Variants in ITGBL1 observed in about 807,000 individuals in gnomAD.
The protein encoded by ITGBL1 is integrin subunit beta like 1, also known as integrin beta-like protein 1.
A neutral mutation model predicts 68.5 loss-of-function variants in ITGBL1; 51 were observed. That is an observed-to-expected ratio of 0.74 (90% confidence interval 0.59 to 0.94). ITGBL1 has a LOEUF of 0.94. ITGBL1 is among the 40% of genes least tolerant of loss of function. The pLI is 0.00. For synonymous variants in ITGBL1, 209 were observed against 227.3 expected (o/e 0.92, Z 0.72); for missense variants, 649 against 647.4 (o/e 1.00, Z -0.03).
At chr13:101,541,641 C>T (rs569424683) in intron 2 of ITGBL1, among the ~76,000 whole-genome samples, 3 of 152,282 alleles carry the variant, frequency 2.0e-5, no homozygotes, top group African/African-American at 4.8e-5. Context: ...ACCAGCTCCT[C>T]CTTGTACCAC....
rs370735817 is a variant in ITGBL1 at position 101,654,127 on chromosome 13, C to T, written c.1016-38458C>T. Among the ~76,000 whole-genome samples, 29 of 152,050 alleles carry T rather than the reference C, an allele frequency of 1.9e-4. 1 individual carries two copies. Among genetic ancestry groups the T allele is most frequent in the African/African-American group, 5.3e-4 (22 of 41,458 alleles). ...AACAAATAAAAAATGCCAAGTTTGC[C>T]GATTTCAGGAACGAAAAGGATCACT... On this transcript the variant is annotated intron_variant, in intron 7 of 10. Coordinates refer to ENST00000376180, the MANE Select transcript of ITGBL1 (RefSeq NM_004791.3).
intron 7 of ITGBL1, among the ~76,000 whole-genome samples, chr13:101,686,139 G>GGT (rs755606783): frequency 6.6e-6 from 1 of 152,014 alleles, no homozygotes; most frequent in Non-Finnish European, 1.5e-5. Flanking sequence ...TGCAACACAA[G>GGT]GTGTTTTCTA....
At chr13:101,666,068 CTA>C (rs2033208811) in intron 7 of ITGBL1, among the ~76,000 whole-genome samples, 4 of 152,056 alleles carry the variant, frequency 2.6e-5, no homozygotes, top group Non-Finnish European at 5.9e-5. Flanking sequence ...GTTTACTATG[CTA>C]TGTTATTCCA....
intron 7 of ITGBL1, among the ~76,000 whole-genome samples, chr13:101,680,552 A>G (rs922309492): frequency 6.6e-6 from 1 of 151,830 alleles, no homozygotes; most frequent in Non-Finnish European, 1.5e-5. Flanking sequence ...TTTTTCATAG[A>G]AAAGTACAAT....
chr13:101,574,557 G>C (rs1287584838), intron 3 of ITGBL1, among the ~76,000 whole-genome samples: 1 of 152,134 alleles, frequency 6.6e-6, no homozygotes, highest in Non-Finnish European at 1.5e-5. Flanking sequence ...GATTTTCAGA[G>C]TCCAGGGTGG....
At chr13:101,687,592 T>G (rs2033783882) in intron 7 of ITGBL1, among the ~76,000 whole-genome samples, 1 of 152,138 alleles carries the variant, frequency 6.6e-6, no homozygotes, top group African/African-American at 2.4e-5. Flanking sequence ...AGTTCATTAT[T>G]CTTCTTTGAT....
Position 101,604,875 on chromosome 13 carries a change from T to TAC in ITGBL1, c.1015+6577_1015+6578insCA, listed in dbSNP as rs1425746436. On this transcript the variant is annotated intron_variant, in intron 7 of 10. Coordinates refer to ENST00000376180, the MANE Select transcript of ITGBL1 (RefSeq NM_004791.3). ...ATATATATATATATATATATATATA[T>TAC]ATATATATATATACACACACACACA... 7.4e-4 allele frequency among the ~76,000 whole-genome samples: 15 copies of TAC among 20,320 alleles called. No individual in the cohort carries two copies. In the South Asian group the frequency reaches 0.015, roughly 20 times the overall value. The allele number at this position is 20,320 out of a possible 152,430, so 13.3% of individuals were successfully genotyped here.
intron 2 of ITGBL1, among the ~76,000 whole-genome samples, chr13:101,562,828 T>C (rs1463083165): frequency 6.6e-6 from 1 of 151,820 alleles, no homozygotes; most frequent in African/African-American, 2.4e-5. Context: ...TTGACATTTA[T>C]AGAACAGCAG....
At chr13:101,627,908 C>T (rs1031412283) in intron 7 of ITGBL1, among the ~76,000 whole-genome samples, 6 of 152,118 alleles carry the variant, frequency 3.9e-5, no homozygotes, top group Admixed American at 1.3e-4. Context: ...CTGCTGTAAA[C>T]GTTGGTTTGC....
chr13:101,641,610 G>C (rs1413349582), intron 7 of ITGBL1, among the ~76,000 whole-genome samples: 1 of 148,690 alleles, frequency 6.7e-6, no homozygotes, highest in Non-Finnish European at 1.5e-5. Flanking sequence ...TGTGCACAAT[G>C]TGCAGGTTTG....
At chr13:101,699,585 GA>G (rs759087248) in intron 8 of ITGBL1, among the ~76,000 whole-genome samples, 5 of 152,138 alleles carry the variant, frequency 3.3e-5, no homozygotes, top group Non-Finnish European at 7.3e-5. Flanking sequence ...GCCATCATGT[GA>G]CGAAGGACAT....
intron 2 of ITGBL1, among the ~76,000 whole-genome samples, chr13:101,476,666 A>G (rs1456612367): frequency 6.6e-6 from 1 of 152,134 alleles, no homozygotes; most frequent in African/African-American, 2.4e-5. Context: ...AACATATTCC[A>G]TACAAACAGA....
intron 2 of ITGBL1, among the ~76,000 whole-genome samples, chr13:101,500,639 TG>T (rs1266204674): frequency 3.3e-5 from 5 of 152,232 alleles, no homozygotes; most frequent in African/African-American, 4.8e-5. Flanking sequence ...TCTCTGATAT[TG>T]GGTTGGTTAG....
intron 2 of ITGBL1, among the ~76,000 whole-genome samples, chr13:101,487,464 C>T (rs550952566): frequency 2.0e-5 from 3 of 152,010 alleles, no homozygotes; most frequent in Non-Finnish European, 2.9e-5. Context: ...ATCCTGGTAG[C>T]GAAAATTTAG....
chr13:101,561,473 CATAA>C (rs762557661), intron 2 of ITGBL1, among the ~76,000 whole-genome samples: 1 of 152,078 alleles, frequency 6.6e-6, no homozygotes, highest in Non-Finnish European at 1.5e-5. Context: ...GAAACAGGAA[CATAA>C]ATAAATGAAA....
chr13:101,711,787 A>G (rs754444239), intron 9 of ITGBL1: 1 of 152,270 alleles, frequency 6.6e-6, no homozygotes, highest in Non-Finnish European at 1.5e-5. Context: ...AAAAATGCAC[A>G]GAAGGGAGAT....
chr13:101,706,126 T>G (rs1232321258), intron 8 of ITGBL1, among the ~76,000 whole-genome samples: 2 of 151,984 alleles, frequency 1.3e-5, no homozygotes, highest in African/African-American at 4.8e-5. Context: ...TACCAAAAGA[T>G]AAACATCTGA....
At chr13:101,639,552 T>C (rs1393206952) in intron 7 of ITGBL1, among the ~76,000 whole-genome samples, 1 of 152,216 alleles carries the variant, frequency 6.6e-6, no homozygotes, top group Admixed American at 6.5e-5. Flanking sequence ...TTAAGATTTA[T>C]TCTAAAACAA....
chr13:101,638,064 AAT>A (rs1418828860), intron 7 of ITGBL1, among the ~76,000 whole-genome samples: 2 of 152,178 alleles, frequency 1.3e-5, no homozygotes, highest in African/African-American at 2.4e-5. Context: ...TCTGCTATAA[AAT>A]ATATCAAGTA....
Sources: allele counts gnomAD v4.1 joint callset (sites outside exome capture counted in the v4.1 genomes callset), GRCh38; gene constraint gnomAD v4.1.1; transcripts MANE v1.5; gene names NCBI Gene and HGNC (gene_info 2026-07-23, HGNC 2026-07-21).